LMTK2: variants seen among roughly 807,000 people sequenced by gnomAD.
The protein encoded by LMTK2 is lemur tail kinase 2.
Under a neutral mutation model 127.5 loss-of-function variants are expected in LMTK2, and 37 were observed. That is an observed-to-expected ratio of 0.29 (90% CI 0.22 to 0.38). LMTK2 has a LOEUF of 0.38. Among genes scored for constraint, LMTK2 ranks in the 10% least tolerant of loss-of-function variants. LMTK2 has a pLI of 1.00. For missense variants in LMTK2, 1,694 were observed against 1,920.3 expected, an observed-to-expected ratio of 0.88 and a Z score of 2.20; for synonymous variants, 819 against 810.1, an observed-to-expected ratio of 1.01 and a Z score of -0.19.
intron 1 of LMTK2, among the ~76,000 whole-genome samples, chr7:98,136,020 G>A (rs577786499): frequency 6.6e-6 from 1 of 152,142 alleles, no homozygotes; most frequent in South Asian, 2.1e-4. Context: ...GCAATGGCTG[G>A]TTCTCAAGCA....
intron 7 of LMTK2, among the ~76,000 whole-genome samples, chr7:98,176,609 C>T (rs1797281384): frequency 6.6e-6 from 1 of 152,104 alleles, no homozygotes; most frequent in African/African-American, 2.4e-5. Flanking sequence ...CTTTGGGAGG[C>T]CGAGGTGGGC....
chr7:98,164,200 G>A (rs531919048), intron 6 of LMTK2, among the ~76,000 whole-genome samples: 5 of 152,208 alleles, frequency 3.3e-5, no homozygotes, highest in South Asian at 4.1e-4. Flanking sequence ...GAGAGGAGCC[G>A]AGAGATGACT....
chr7:98,122,706 GTGTGTGTGTGTGTGTGTGTGTATA>G (rs1348606693), intron 1 of LMTK2, among the ~76,000 whole-genome samples: 9 of 2,966 alleles, frequency 3.0e-3, no homozygotes, highest in Admixed American at 0.028. Context: ...GTGTGTGTGT[GTGTGTGTGTGTGTGTGTGTGTATA>G]TATATAACTG....
Position 98,209,414 on chromosome 7 carries a change from G to T in LMTK2, c.*3922G>T, listed in dbSNP as rs901247092. On this transcript the variant is annotated 3_prime_UTR_variant, in exon 14 of 14. Coordinates refer to ENST00000297293, the MANE Select transcript of LMTK2 (RefSeq NM_014916.4). ...TCGGATTCCGTCTGCAGAGGAGGAC[G>T]TAGGGGGCCGTCACACCCACCAGGC... The T allele has an allele frequency of 6.6e-6, 1 of 152,194 alleles. No individual in the cohort carries two copies. The highest frequency in any genetic ancestry group is 1.5e-5 in the Non-Finnish European group (1 of 68,030). 9.4% of individuals were successfully genotyped at this position (152,194 alleles called of 1,614,324 possible). A position where few individuals can be genotyped will look rare whatever the true frequency, so the allele number is the denominator to read the frequency against.
At position 98,192,850 on chromosome 7, in the gene LMTK2, T is replaced by C. The variant is rs371947835; in HGVS notation, c.2385T>C (p.Asp795=). 9.9e-6 allele frequency: 16 copies of C among 1,613,942 alleles called. No homozygotes were observed. Among genetic ancestry groups the C allele is most frequent in the African/African-American group, 9.3e-5 (7 of 74,926 alleles). Residue 795 remains aspartate, a synonymous_variant, in exon 11 of 14, where the codon GAT becomes GAC. Coordinates refer to ENST00000297293, the MANE Select transcript of LMTK2 (RefSeq NM_014916.4). ...ENVSTKGDDT[D]VMLTGDTLST... is the part of the protein sequence containing the mutation. ...TAAGCACAAAGGGTGACGATACAGA[T>C]GTCATGCTCACAGGTGACACTTTGA...
Position 98,204,205 on chromosome 7 carries a change from T to C in LMTK2, c.4483+19T>C. ...CAGGGCGGTGAGAGGCGCTGCGTGC[T>C]GGGGATTGGGAGTGCAGGGTCGGGG... On this transcript the variant is annotated intron_variant, in intron 13 of 13. Transcript: ENST00000297293. 1 of 1,469,978 alleles carries C rather than the reference T, an allele frequency of 6.8e-7. No individual in the cohort carries two copies. Among genetic ancestry groups the C allele is most frequent in the Non-Finnish European group, 9.3e-7 (1 of 1,072,288 alleles). The allele number at this position is 1,469,978 out of a possible 1,614,324, so 91.1% of individuals were successfully genotyped here.
At chr7:98,117,228 C>T (rs560329739) in intron 1 of LMTK2, among the ~76,000 whole-genome samples, 34 of 152,272 alleles carry the variant, frequency 2.2e-4, no homozygotes, top group African/African-American at 6.5e-4. Flanking sequence ...AAGAGACTCG[C>T]GTATTCTCTT....
In LMTK2 at chr7:98,171,500, C is replaced by T. The variant is rs1797190047; in HGVS notation, c.658-41C>T. On this transcript the variant is annotated intron_variant, in intron 6 of 13. Transcript: ENST00000297293. The surrounding 1 kb of genome is among the most constrained non-coding windows in gnomAD (Gnocchi z 5.1). ...ACGTATTTAAGCGCTCACTTTATTC[C>T]TGTGGCTCGTTTGGAAACTCACACG... The T allele has an allele frequency of 6.2e-7, 1 of 1,613,572 alleles. No homozygotes were observed. Among genetic ancestry groups the T allele is most frequent in the African/African-American group, 1.3e-5 (1 of 74,946 alleles).
chr7:98,151,492 A>G, intron 4 of LMTK2, 37 bp downstream of exon 4: 1 of 1,477,824 alleles, frequency 6.8e-7, no homozygotes, highest in Non-Finnish European at 9.5e-7. Context: ...TTTCCTCTGA[A>G]TGATACTGTG....
At chr7:98,190,002 T>C (rs1797498249) in intron 9 of LMTK2, among the ~76,000 whole-genome samples, 7 of 149,950 alleles carry the variant, frequency 4.7e-5, no homozygotes, top group Admixed American at 4.1e-4. Context: ...GGTGTATTTT[T>C]CTACCAAAAA....
At chr7:98,110,551 C>T (rs951699906) in intron 1 of LMTK2, among the ~76,000 whole-genome samples, 2 of 152,178 alleles carry the variant, frequency 1.3e-5, no homozygotes, top group South Asian at 4.1e-4. Flanking sequence ...GATTACAGTT[C>T]AGTTCTTTTC....
At chr7:98,108,779 G>A (rs1370509676) in intron 1 of LMTK2, among the ~76,000 whole-genome samples, 1 of 151,502 alleles carries the variant, frequency 6.6e-6, no homozygotes, top group Non-Finnish European at 1.5e-5. Flanking sequence ...GAAATTTCCA[G>A]ATGACTTTAC....
At chr7:98,122,235 C>T (rs1052334071) in intron 1 of LMTK2, among the ~76,000 whole-genome samples, 2 of 151,140 alleles carry the variant, frequency 1.3e-5, no homozygotes, top group East Asian at 1.9e-4. Flanking sequence ...GTTTTTGTTT[C>T]GGGGGGTGCA....
Position 98,151,443 on chromosome 7 carries a change from C to A in LMTK2, c.438C>A (p.Gly146=). Reference sequence around the variant, plus strand: ...ACTACATACAGGAAATTGGAAATGGCTGGTTTGGAAAGGTAAGATGCTCTT... The same window carrying A: ...ACTACATACAGGAAATTGGAAATGGATGGTTTGGAAAGGTAAGATGCTCTT... ...SLNYIQEIGN[G]WFGKVLLGEI... Residue 146 remains glycine (G), a synonymous_variant, in exon 4 of 14, where the codon GGC becomes GGA. Transcript: ENST00000297293. 1.2e-6 allele frequency: 2 copies of A among 1,612,910 alleles called. No homozygotes were observed. The highest frequency in any genetic ancestry group is 1.7e-6 in the Non-Finnish European group (2 of 1,178,942).
At chr7:98,120,198 A>G (rs1796342452) in intron 1 of LMTK2, among the ~76,000 whole-genome samples, 2 of 152,230 alleles carry the variant, frequency 1.3e-5, no homozygotes, top group African/African-American at 4.8e-5. Flanking sequence ...AGTTACATCT[A>G]TGATAGCGGT....
chr7:98,205,247 ACC>A (rs1316788321), intron 13 of LMTK2, among the ~76,000 whole-genome samples: 1 of 152,086 alleles, frequency 6.6e-6, no homozygotes, highest in Non-Finnish European at 1.5e-5. Flanking sequence ...CTGCACCCTG[ACC>A]CTTAGCGCCC....
At chr7:98,139,887 C>T (rs905232805) in intron 2 of LMTK2, among the ~76,000 whole-genome samples, 3 of 152,098 alleles carry the variant, frequency 2.0e-5, no homozygotes, top group South Asian at 2.1e-4. Flanking sequence ...TGATCTGTTC[C>T]CAGCTTCTGT....
rs749862242 is a variant in LMTK2, at chr7:98,193,000, A to G, written c.2535A>G (p.Leu845=). ...PTQGETQPTC[L]DVIVPEDCLH... Reference sequence around the variant, plus strand: ...AGGGAGAAACCCAGCCCACGTGTTTAGATGTTATTGTCCCGGAGGACTGTC... The same window carrying G: ...AGGGAGAAACCCAGCCCACGTGTTTGGATGTTATTGTCCCGGAGGACTGTC... The change falls in exon 11 of 14, where the codon TTA becomes TTG. Residue 845 remains leucine, a synonymous_variant. Coordinates refer to ENST00000297293, the MANE Select transcript of LMTK2 (RefSeq NM_014916.4). 6.2e-7 allele frequency: 1 copy of G among 1,614,102 alleles called. No homozygotes were observed. Among genetic ancestry groups the G allele is most frequent in the South Asian group, 1.1e-5 (1 of 91,084 alleles).
At chr7:98,195,121 C>T (rs893168345) in intron 11 of LMTK2, among the ~76,000 whole-genome samples, 1 of 152,144 alleles carries the variant, frequency 6.6e-6, no homozygotes, top group Non-Finnish European at 1.5e-5. Context: ...GGGCTCAAGC[C>T]ATCCTCCCAC....
Sources: gnomAD v4.1 joint callset for allele counts (sites outside exome capture counted in the v4.1 genomes callset) on GRCh38, gnomAD v4.1.1 for gene constraint, Gnocchi (gnomAD v3.1) non-coding constraint, MANE v1.5 for transcripts, NCBI Gene and HGNC (gene_info 2026-07-23, HGNC 2026-07-21) for gene names.